CYP4F22: variants seen among roughly 807,000 people sequenced by gnomAD.
The protein encoded by CYP4F22 is ultra-long-chain fatty acid omega-hydroxylase.
Under a neutral mutation model 60.4 loss-of-function variants are expected in CYP4F22, and 37 were observed. The observed-to-expected ratio is 0.61, with a 90% CI of 0.47 to 0.81. The LOEUF (loss-of-function observed/expected upper bound fraction) is 0.81. Among genes scored for constraint, CYP4F22 ranks in the 30% least tolerant of loss-of-function variants. CYP4F22 has a pLI of 0.00. For synonymous variants in CYP4F22, 258 were observed against 280.5 expected, an observed-to-expected ratio of 0.92 and a Z score of 0.80; for missense variants, 655 against 715.0, an observed-to-expected ratio of 0.92 and a Z score of 0.96.
chr19:15,525,329 T>C lies in CYP4F22; in HGVS notation c.-1-7T>C. The C allele has an allele frequency of 6.2e-7, 1 of 1,612,680 alleles. No homozygotes were observed. The highest frequency in any genetic ancestry group is 8.5e-7 in the Non-Finnish European group (1 of 1,179,840). On this transcript the variant is annotated splice_polypyrimidine_tract_variant and splice_region_variant and intron_variant, in intron 2 of 13. Transcript: ENST00000269703. ...GGCACCGACCCCCTGACCCTGTGTG[T>C]CCCCAGGATGCTGCCCATCACAGAC... is the stretch of plus-strand genomic sequence containing the variant.
intron 10 of CYP4F22, among the ~76,000 whole-genome samples, chr19:15,545,307 C>T (rs1971509286): frequency 6.6e-6 from 1 of 152,034 alleles, no homozygotes. Context: ...TACCCAGTCT[C>T]TACCAGATTC....
At chr19:15,520,041 A>C (rs1971203045) in intron 1 of CYP4F22, among the ~76,000 whole-genome samples, 1 of 152,158 alleles carries the variant, frequency 6.6e-6, no homozygotes, top group South Asian at 2.1e-4. Flanking sequence ...AAGTACATGC[A>C]TGCATTTAAA....
At chr19:15,526,483 CA>C (rs1399478654) in intron 3 of CYP4F22, among the ~76,000 whole-genome samples, 2 of 152,176 alleles carry the variant, frequency 1.3e-5, no homozygotes, top group African/African-American at 2.4e-5. Flanking sequence ...AGATATGTGC[CA>C]AGTATTTTTC....
chr19:15,520,350 A>G (rs1458255188), intron 1 of CYP4F22, among the ~76,000 whole-genome samples: 1 of 149,374 alleles, frequency 6.7e-6, no homozygotes, highest in Non-Finnish European at 1.5e-5. Flanking sequence ...CATCTCAAAA[A>G]AAAAAAAAAA....
chr19:15,543,853 T>C (rs1971490615), intron 8 of CYP4F22, 118 bp from the exon 9 acceptor site: 2 of 1,005,138 alleles, frequency 2.0e-6, no homozygotes, highest in Non-Finnish European at 2.8e-6. Flanking sequence ...CGAGACTCCA[T>C]CTCAGAAAAA....
chr19:15,532,922 G>C (rs1366151610), intron 4 of CYP4F22, among the ~76,000 whole-genome samples: 1 of 152,210 alleles, frequency 6.6e-6, no homozygotes, highest in African/African-American at 2.4e-5. Context: ...GGGTGGTGCT[G>C]TGAGTCAGCC....
Position 15,525,525 on chromosome 19 carries a change from C to G in CYP4F22, c.189C>G (p.Pro63=). ...CRRLRCFPQP[P]RRNWLLGHLG... is the part of the protein sequence containing the mutation. The stretch of plus-strand genomic sequence containing the variant: ...GGCTGCGCTGCTTCCCCCAGCCTCC[C>G]CGGCGCAACTGGCTGCTGGGCCACC... Residue 63 remains proline, a synonymous_variant, in exon 3 of 14, where the codon CCC becomes CCG. Transcript: ENST00000269703. 1 of 1,611,664 alleles carries G rather than the reference C, an allele frequency of 6.2e-7. No individual in the cohort carries two copies. The highest frequency in any genetic ancestry group is 8.5e-7 in the Non-Finnish European group (1 of 1,179,890).
rs148298818 is a variant in CYP4F22 at position 15,551,566 on chromosome 19, C to T, written c.*95C>T. 4.9e-6 allele frequency: 7 copies of T among 1,433,246 alleles called. No homozygotes were observed. The highest frequency in any genetic ancestry group is 5.6e-6 in the Non-Finnish European group (6 of 1,067,018). The allele number at this position is 1,433,246 out of a possible 1,614,324, so 88.8% of individuals were successfully genotyped here. A position where few individuals can be genotyped will look rare whatever the true frequency, so the allele number is the denominator to read the frequency against. ...GATCCCGAGGGCATAGGCCACCCCCCTCGAAGTTCAGGTTCAGCTCCTGGA... is the reference window on the plus strand; with the variant it reads ...GATCCCGAGGGCATAGGCCACCCCCTTCGAAGTTCAGGTTCAGCTCCTGGA... On this transcript the variant is annotated 3_prime_UTR_variant, in exon 14 of 14. Transcript: ENST00000269703.
intron 8 of CYP4F22, among the ~76,000 whole-genome samples, chr19:15,541,118 AAG>A (rs1315915830): frequency 6.6e-6 from 1 of 152,204 alleles, no homozygotes; most frequent in Non-Finnish European, 1.5e-5. Context: ...TCAAAACAAA[AAG>A]AAATTCACAT....
Position 15,551,600 on chromosome 19 carries a change from C to A in CYP4F22, c.*129C>A. On this transcript the variant is annotated 3_prime_UTR_variant, in exon 14 of 14. Coordinates refer to ENST00000269703, the MANE Select transcript of CYP4F22 (RefSeq NM_173483.4). ...CAGGTTCAGCTCCTGGATGACCAGG[C>A]ACCGCTGTTGAGCAGCCTGGTGGTA... 8.4e-7 allele frequency: 1 copy of A among 1,196,814 alleles called. No individual in the cohort carries two copies. The highest frequency in any genetic ancestry group is 2.6e-5 in the East Asian group (1 of 38,984). 74.1% of individuals were successfully genotyped at this position (1,196,814 alleles called of 1,614,324 possible). A position where few individuals can be genotyped will look rare whatever the true frequency, so the allele number is the denominator to read the frequency against.
chr19:15,510,966 A>ATATATATATATATTTTTT (rs34055543), intron 1 of CYP4F22, among the ~76,000 whole-genome samples: 1 of 103,336 alleles, frequency 9.7e-6, no homozygotes. Context: ...ATATATATAT[A>ATATATATATATATTTTTT]TTTTTTTTTT....
At chr19:15,512,994 C>T (rs1287908696) in intron 1 of CYP4F22, among the ~76,000 whole-genome samples, 3 of 132,648 alleles carry the variant, frequency 2.3e-5, no homozygotes, top group Admixed American at 1.4e-4. Flanking sequence ...CAAAGCTTTT[C>T]TCTCTCTCTC....
chr19:15,520,271 G>A (rs1420594928), intron 1 of CYP4F22, among the ~76,000 whole-genome samples: 3 of 151,050 alleles, frequency 2.0e-5, no homozygotes, highest in African/African-American at 4.9e-5. Context: ...GCATGAACCC[G>A]GGAGGAGGAG....
intron 3 of CYP4F22, among the ~76,000 whole-genome samples, chr19:15,527,257 A>T (rs987804415): frequency 2.0e-5 from 3 of 151,298 alleles, no homozygotes; most frequent in Admixed American, 2.0e-4. Flanking sequence ...CTGCTTACAC[A>T]CCCTCCATGG....
At chr19:15,523,075 CGTGGT>C (rs764800892) in intron 1 of CYP4F22, among the ~76,000 whole-genome samples, 7 of 149,100 alleles carry the variant, frequency 4.7e-5, no homozygotes, top group Non-Finnish European at 1.5e-5. Context: ...CTAAGTGAGG[CGTGGT>C]GTGGTGGCTC....
intron 1 of CYP4F22, among the ~76,000 whole-genome samples, chr19:15,517,206 C>A (rs1316285701): frequency 5.9e-5 from 9 of 152,100 alleles, no homozygotes; most frequent in African/African-American, 9.7e-5. Flanking sequence ...GTTTGAGGGA[C>A]AGGAGGACCC....
intron 10 of CYP4F22, among the ~76,000 whole-genome samples, chr19:15,545,082 T>A (rs1599814494): frequency 7.3e-6 from 1 of 136,084 alleles, no homozygotes; most frequent in African/African-American, 2.8e-5. Flanking sequence ...CAAAAAAAGA[T>A]AAAATAAGTA....
At chr19:15,519,833 C>A (rs955480674) in intron 1 of CYP4F22, among the ~76,000 whole-genome samples, 5 of 152,082 alleles carry the variant, frequency 3.3e-5, no homozygotes, top group Non-Finnish European at 4.4e-5. Flanking sequence ...GATGGTAACA[C>A]CCACCCCACA....
At chr19:15,542,759 G>GTGTTT in intron 8 of CYP4F22, among the ~76,000 whole-genome samples, 2 of 152,022 alleles carry the variant, frequency 1.3e-5, no homozygotes. Context: ...CTGTGTCCGT[G>GTGTTT]TGTTTTCATT....
Sources: gnomAD v4.1 joint callset for allele counts (sites outside exome capture counted in the v4.1 genomes callset) on GRCh38, gnomAD v4.1.1 for gene constraint, MANE v1.5 for transcripts, NCBI Gene and HGNC (gene_info 2026-07-23, HGNC 2026-07-21) for gene names.